CCDC141: variants seen among roughly 807,000 people sequenced by gnomAD.
CCDC141 encodes coiled-coil domain-containing protein 141.
CCDC141 carries 168 observed loss-of-function variants against 181.0 expected under a neutral mutation model. That is an observed-to-expected ratio of 0.93 (90% confidence interval 0.82 to 1.05). CCDC141 has a LOEUF of 1.05. Among genes scored for constraint, CCDC141 ranks in the 50% least tolerant of loss-of-function variants. The probability of loss-of-function intolerance (pLI) is 0.00; values close to 1 mark genes in which losing one functional copy is unlikely to be tolerated. For synonymous variants in CCDC141, 666 were observed against 642.3 expected, an observed-to-expected ratio of 1.04 and a Z score of -0.56; for missense variants, 1,902 against 1,788.5, an observed-to-expected ratio of 1.06 and a Z score of -1.14.
chr2:178,864,284 T>G (rs1485232904), intron 17 of CCDC141, among the ~76,000 whole-genome samples: 1 of 152,072 alleles, frequency 6.6e-6, no homozygotes, highest in African/African-American at 2.4e-5. Context: ...GAAGATCACT[T>G]TAAGGAAAGA....
At chr2:178,880,956 G>A (rs1558950655) in intron 11 of CCDC141, among the ~76,000 whole-genome samples, 2 of 152,132 alleles carry the variant, frequency 1.3e-5, no homozygotes, top group East Asian at 1.9e-4. Context: ...CATAGCTAAC[G>A]GAAAGCATTG....
chr2:178,967,478 T>C (rs967089033), intron 4 of CCDC141, among the ~76,000 whole-genome samples: 1 of 152,132 alleles, frequency 6.6e-6, no homozygotes, highest in Admixed American at 6.5e-5. Flanking sequence ...GAATTTCATA[T>C]CCAGTCAAAC....
intron 16 of CCDC141, among the ~76,000 whole-genome samples, chr2:178,866,958 C>T (rs1685882517): frequency 6.6e-6 from 1 of 152,174 alleles, no homozygotes; most frequent in Non-Finnish European, 1.5e-5. Flanking sequence ...ACTTCTCGGC[C>T]TCCTAAAGTG....
In CCDC141 at chr2:178,918,755, G is replaced by C. The variant is rs1379385395; in HGVS notation, c.1050C>G (p.Thr350=). 6.4e-7 allele frequency: 1 copy of C among 1,550,464 alleles called. No individual in the cohort carries two copies. Among genetic ancestry groups the C allele is most frequent in the Admixed American group, 2.0e-5 (1 of 50,990 alleles). The change falls in exon 7 of 24, where the codon ACC becomes ACG. Residue 350 remains threonine (T), a synonymous_variant. Coordinates refer to ENST00000443758, the MANE Select transcript of CCDC141 (RefSeq NM_173648.4). ...EFGQLMVERN[T]WLKKANEFFN... ...AAAATTCATTCGCCTTCTTTAACCAGGTATTCCTTTCCACCATGAGTTGAC... is the reference window on the plus strand; with the variant it reads ...AAAATTCATTCGCCTTCTTTAACCACGTATTCCTTTCCACCATGAGTTGAC...
At chr2:178,847,380 C>T (rs1684983968) in intron 21 of CCDC141, among the ~76,000 whole-genome samples, 1 of 151,978 alleles carries the variant, frequency 6.6e-6, no homozygotes, top group Non-Finnish European at 1.5e-5. Context: ...AAAATCAAAA[C>T]ATTAGCCGAG....
chr2:179,038,696 G>C, intron 2 of CCDC141, among the ~76,000 whole-genome samples: 1 of 151,994 alleles, frequency 6.6e-6, no homozygotes. Flanking sequence ...AATAGAAATA[G>C]GGCAAAAATA....
chr2:178,892,343 G>A (rs1255006459), intron 8 of CCDC141, among the ~76,000 whole-genome samples: 1 of 152,056 alleles, frequency 6.6e-6, no homozygotes, highest in Admixed American at 6.6e-5. Context: ...CTTTTCTCGG[G>A]AAGAGAAGTT....
downstream of CCDC141, among the ~76,000 whole-genome samples, chr2:178,826,253 A>G (rs1684123821): frequency 6.6e-6 from 1 of 152,184 alleles, no homozygotes; most frequent in Non-Finnish European, 1.5e-5. Flanking sequence ...GAATTTTGAA[A>G]GAGCCGTATA....
chr2:179,017,553 G>A (rs1251242520), intron 2 of CCDC141, among the ~76,000 whole-genome samples: 2 of 152,046 alleles, frequency 1.3e-5, no homozygotes, highest in Non-Finnish European at 2.9e-5. Context: ...TAAACTTGAA[G>A]AAAGTGGCAG....
intron 2 of CCDC141, among the ~76,000 whole-genome samples, chr2:178,984,396 A>C (rs1430482206): frequency 1.3e-5 from 2 of 152,050 alleles, no homozygotes; most frequent in Non-Finnish European, 2.9e-5. Flanking sequence ...ACTAGGAAGA[A>C]ACTGCATCAA....
At chr2:178,936,157 T>A (rs1276348115) in intron 6 of CCDC141, among the ~76,000 whole-genome samples, 1 of 152,190 alleles carries the variant, frequency 6.6e-6, no homozygotes, top group Non-Finnish European at 1.5e-5. Context: ...GTGTTTGTCA[T>A]GAACTCTTTG....
intron 21 of CCDC141, among the ~76,000 whole-genome samples, chr2:178,847,586 T>C (rs1684992722): frequency 6.6e-6 from 1 of 152,190 alleles, no homozygotes; most frequent in Non-Finnish European, 1.5e-5. Flanking sequence ...AAATATTGTG[T>C]GGGACACTAA....
At chr2:178,978,037 C>T (rs892317567) in intron 3 of CCDC141, among the ~76,000 whole-genome samples, 9 of 152,130 alleles carry the variant, frequency 5.9e-5, no homozygotes, top group African/African-American at 2.2e-4. Context: ...AATCAAATAT[C>T]CTATGGAATA....
chr2:178,984,133 G>A (rs1187141890), intron 2 of CCDC141, among the ~76,000 whole-genome samples: 3 of 152,034 alleles, frequency 2.0e-5, no homozygotes, highest in Admixed American at 6.6e-5. Context: ...GAAACCCTAC[G>A]AGCCAGAAGA....
chr2:178,872,921 A>G (rs1331124558), intron 12 of CCDC141: 7 of 152,102 alleles, frequency 4.6e-5, no homozygotes, highest in Non-Finnish European at 2.9e-5. Flanking sequence ...TCACTTCCCA[A>G]CTTTCAGATG....
intron 8 of CCDC141, among the ~76,000 whole-genome samples, chr2:178,898,207 C>G (rs1485943496): frequency 1.3e-5 from 2 of 152,140 alleles, no homozygotes; most frequent in Non-Finnish European, 2.9e-5. Context: ...TAGATTAGTT[C>G]CCACTACAGC....
intron 6 of CCDC141, among the ~76,000 whole-genome samples, chr2:178,919,905 C>T (rs1414412193): frequency 6.6e-6 from 1 of 152,188 alleles, no homozygotes; most frequent in Non-Finnish European, 1.5e-5. Flanking sequence ...CAAGGCTTCA[C>T]TCTTAATGGT....
intron 7 of CCDC141, 114 bp downstream of exon 7, chr2:178,918,599 T>C: frequency 3.9e-6 from 3 of 767,738 alleles, no homozygotes; most frequent in Non-Finnish European, 6.1e-6. Flanking sequence ...GCTATCAGTT[T>C]TGAAATTTTA....
At chr2:178,909,524 G>A (rs944892079) in intron 7 of CCDC141, among the ~76,000 whole-genome samples, 15 of 152,184 alleles carry the variant, frequency 9.9e-5, no homozygotes, top group Non-Finnish European at 5.9e-5. Context: ...GACTTTAACA[G>A]GAAGCTACTT....
Sources: gnomAD v4.1 joint callset for allele counts (sites outside exome capture counted in the v4.1 genomes callset) on GRCh38, gnomAD v4.1.1 for gene constraint, MANE v1.5 for transcripts, NCBI Gene and HGNC (gene_info 2026-07-23, HGNC 2026-07-21) for gene names.